The following IMMP2L variants were observed in gnomAD, a reference collection of about 807,000 sequenced individuals.
IMMP2L encodes the protein mitochondrial inner membrane protease subunit 2.
Under a neutral mutation model 19.3 loss-of-function variants are expected in IMMP2L, and 18 were observed. The observed-to-expected ratio is 0.93, with a 90% CI of 0.64 to 1.38. The LOEUF (loss-of-function observed/expected upper bound fraction) is 1.38, where lower values mean the gene tolerates loss of function less well. IMMP2L is among the 40% of genes most tolerant of loss of function. The pLI, the probability that IMMP2L is intolerant of heterozygous loss-of-function variation, is 0.00. For missense variants in IMMP2L, 233 were observed against 218.2 expected, an observed-to-expected ratio of 1.07 and a Z score of -0.43; for synonymous variants, 76 against 73.0, an observed-to-expected ratio of 1.04 and a Z score of -0.21.
chr7:110,881,321 T>C (rs1019550840), intron 5 of IMMP2L, among the ~76,000 whole-genome samples: 1 of 152,170 alleles, frequency 6.6e-6, no homozygotes, highest in African/African-American at 2.4e-5. Flanking sequence ...GAAAATTATA[T>C]CTAGGTAAAG....
At chr7:111,534,052 A>G (rs1847647222) in intron 1 of IMMP2L, among the ~76,000 whole-genome samples, 1 of 152,114 alleles carries the variant, frequency 6.6e-6, no homozygotes, top group Admixed American at 6.5e-5. Context: ...GTACAAACAC[A>G]CTAATAATAA....
chr7:110,689,079 T>C (rs912078535), intron 5 of IMMP2L, among the ~76,000 whole-genome samples: 5 of 151,230 alleles, frequency 3.3e-5, no homozygotes, highest in African/African-American at 7.4e-5. Context: ...AAATGCAAAT[T>C]TGTGGGTGTC....
chr7:110,944,450 A>T (rs563144693), intron 4 of IMMP2L, among the ~76,000 whole-genome samples: 1 of 147,562 alleles, frequency 6.8e-6, no homozygotes, highest in East Asian at 1.9e-4. Context: ...AAGCACATAG[A>T]GTGTGTGTGT....
chr7:110,784,223 T>G (rs960062450), intron 5 of IMMP2L, among the ~76,000 whole-genome samples: 1 of 151,900 alleles, frequency 6.6e-6, no homozygotes, highest in African/African-American at 2.4e-5. Context: ...TATGGACTTC[T>G]TCAGCAATGG....
At chr7:111,465,721 T>C (rs1197588841) in intron 3 of IMMP2L, among the ~76,000 whole-genome samples, 1 of 152,016 alleles carries the variant, frequency 6.6e-6, no homozygotes, top group African/African-American at 2.4e-5. Flanking sequence ...TTTTACACTG[T>C]TGGTGGGACT....
chr7:111,447,737 T>A (rs531202206), intron 3 of IMMP2L, among the ~76,000 whole-genome samples: 1 of 151,078 alleles, frequency 6.6e-6, no homozygotes, highest in Non-Finnish European at 1.5e-5. Context: ...TGGACTAAAT[T>A]CTCCAATTAA....
chr7:111,190,961 T>C (rs1808797097), intron 3 of IMMP2L, among the ~76,000 whole-genome samples: 1 of 152,054 alleles, frequency 6.6e-6, no homozygotes, highest in Non-Finnish European at 1.5e-5. Context: ...GCCTGACCCA[T>C]AGCAAACATC....
At chr7:111,075,219 C>T (rs1202448737) in intron 3 of IMMP2L, among the ~76,000 whole-genome samples, 3 of 144,668 alleles carry the variant, frequency 2.1e-5, no homozygotes, top group Middle Eastern at 3.4e-3. Context: ...CTCCACCTCC[C>T]GGGTTCAAGT....
intron 5 of IMMP2L, among the ~76,000 whole-genome samples, chr7:110,699,666 G>A (rs1006264397): frequency 6.6e-6 from 1 of 151,800 alleles, no homozygotes; most frequent in East Asian, 1.9e-4. Context: ...AGCTGGGGAG[G>A]CTGAGGCAGG....
intron 3 of IMMP2L, among the ~76,000 whole-genome samples, chr7:111,023,192 G>C (rs975318477): frequency 3.9e-5 from 6 of 152,188 alleles, no homozygotes; most frequent in African/African-American, 1.2e-4. Flanking sequence ...TCTGGTACTT[G>C]CTTAACATCT....
chr7:111,137,088 A>C (rs1339827249), intron 3 of IMMP2L, among the ~76,000 whole-genome samples: 8 of 152,166 alleles, frequency 5.3e-5, no homozygotes. Context: ...CTAGAGGCTA[A>C]CGATATATAG....
intron 3 of IMMP2L, among the ~76,000 whole-genome samples, chr7:111,332,624 T>C (rs1470722386): frequency 1.3e-5 from 2 of 151,916 alleles, no homozygotes; most frequent in Non-Finnish European, 2.9e-5. Flanking sequence ...TCAATAAACA[T>C]GTAAAATGAA....
At chr7:111,032,954 T>C (rs1790981132) in intron 3 of IMMP2L, among the ~76,000 whole-genome samples, 1 of 152,152 alleles carries the variant, frequency 6.6e-6, no homozygotes, top group East Asian at 1.9e-4. Context: ...ACGCCATCTC[T>C]ACCACAAATA....
At chr7:110,814,717 A>G (rs906233822) in intron 5 of IMMP2L, among the ~76,000 whole-genome samples, 4 of 148,454 alleles carry the variant, frequency 2.7e-5, no homozygotes, top group African/African-American at 9.8e-5. Flanking sequence ...ATATATATAT[A>G]TGTATATATA....
chr7:111,036,139 TA>T (rs1328771089), intron 3 of IMMP2L, among the ~76,000 whole-genome samples: 1 of 152,176 alleles, frequency 6.6e-6, no homozygotes, highest in South Asian at 2.1e-4. Context: ...TTAGAACTAG[TA>T]AAAACTTAGA....
intron 1 of IMMP2L, among the ~76,000 whole-genome samples, chr7:111,556,578 C>T (rs1374346217): frequency 6.6e-6 from 1 of 150,702 alleles, no homozygotes; most frequent in Non-Finnish European, 1.5e-5. Flanking sequence ...TTTACCTCCA[C>T]CACTACAATG....
At chr7:110,766,653 T>A (rs1477103386) in intron 5 of IMMP2L, among the ~76,000 whole-genome samples, 2 of 149,388 alleles carry the variant, frequency 1.3e-5, no homozygotes, top group Non-Finnish European at 3.0e-5. Flanking sequence ...ATGGTGGGAG[T>A]CAGGGGAAGA....
chr7:111,053,965 C>A (rs910786830), intron 3 of IMMP2L, among the ~76,000 whole-genome samples: 1 of 151,924 alleles, frequency 6.6e-6, no homozygotes, highest in South Asian at 2.1e-4. Flanking sequence ...AAAAACAATT[C>A]ATTTTCAGAG....
intron 4 of IMMP2L, among the ~76,000 whole-genome samples, chr7:110,927,972 A>T (rs772693490): frequency 1.3e-4 from 20 of 151,872 alleles, no homozygotes; most frequent in Non-Finnish European, 2.8e-4. Flanking sequence ...TTTTTTCTTG[A>T]TATGTTTCCT....
Sources: gnomAD v4.1 joint callset for allele counts (sites outside exome capture counted in the v4.1 genomes callset) on GRCh38, gnomAD v4.1.1 for gene constraint, MANE v1.5 for transcripts, NCBI Gene and HGNC (gene_info 2026-07-23, HGNC 2026-07-21) for gene names.